PPFIA2: variants seen among roughly 807,000 people sequenced by gnomAD.
PPFIA2 encodes PPFI scaffold protein A2, also known as liprin-alpha-2.
Under a neutral mutation model 175.5 loss-of-function variants are expected in PPFIA2, and 46 were observed. The observed-to-expected ratio is 0.26, with a 90% CI of 0.21 to 0.34. The LOEUF is 0.34. Among genes scored for constraint, PPFIA2 ranks in the 10% least tolerant of loss-of-function variants. The probability of loss-of-function intolerance (pLI) is 1.00; values close to 1 mark genes in which losing one functional copy is unlikely to be tolerated. For synonymous variants in PPFIA2, 568 were observed against 511.4 expected (o/e 1.11, Z -1.49); for missense variants, 1,179 against 1,506.1 (o/e 0.78, Z 3.60).
intron 4 of PPFIA2, among the ~76,000 whole-genome samples, chr12:81,645,734 A>T (rs1396261596): frequency 6.6e-6 from 1 of 152,232 alleles, no homozygotes; most frequent in Non-Finnish European, 1.5e-5. Flanking sequence ...CAGCCATAAA[A>T]GTGGGTAGTA....
rs76554437 is a variant in PPFIA2, at chr12:81,698,947, G to A, written c.250-22103C>T. 4.0e-3 allele frequency among the ~76,000 whole-genome samples: 609 copies of A among 152,136 alleles called. 5 individuals carry two copies. The highest frequency in any genetic ancestry group is 0.013 in the African/African-American group (550 of 41,520). On this transcript the variant is annotated intron_variant, in intron 3 of 32. Transcript: ENST00000549396. ...TAGCAAAACAGACTTTATTATAAGC[G>A]TTGGTAGAGCTAAGATTTTTACTAT...
chr12:81,690,474 TGTCTC>T (rs1204367255), intron 3 of PPFIA2, among the ~76,000 whole-genome samples: 1 of 152,058 alleles, frequency 6.6e-6, no homozygotes, highest in African/African-American at 2.4e-5. Flanking sequence ...AGTCTATTCC[TGTCTC>T]ACTCCTCACC....
chr12:81,495,826 A>G (rs922055740), intron 4 of PPFIA2, among the ~76,000 whole-genome samples: 7 of 152,324 alleles, frequency 4.6e-5, no homozygotes, highest in African/African-American at 1.7e-4. Flanking sequence ...AAAACAAAAC[A>G]AAACAAAAGT....
chr12:81,479,964 G>A (rs993287980), intron 4 of PPFIA2, among the ~76,000 whole-genome samples: 1 of 152,094 alleles, frequency 6.6e-6, no homozygotes, highest in South Asian at 2.1e-4. Flanking sequence ...GTCTTGCTAG[G>A]TTGGGGAAGT....
chr12:81,705,388 G>A lies in PPFIA2; in HGVS notation c.250-28544C>T, dbSNP rs188432971. Among the ~76,000 whole-genome samples, 150 of 149,700 alleles carry A rather than the reference G, an allele frequency of 1.0e-3. 3 individuals carry two copies. In the East Asian group the frequency reaches 0.019, roughly 19 times the overall value. On this transcript the variant is annotated intron_variant, in intron 3 of 32. Transcript: ENST00000549396. ...GGAGAATGGCATGAACCTGGGAGGCGGAGCTTGCAGTGAGCTGAGATTGCA... is the reference window on the plus strand; with the variant it reads ...GGAGAATGGCATGAACCTGGGAGGCAGAGCTTGCAGTGAGCTGAGATTGCA...
chr12:81,278,200 T>TA (rs2041061450), intron 27 of PPFIA2, among the ~76,000 whole-genome samples: 1 of 152,166 alleles, frequency 6.6e-6, no homozygotes. Flanking sequence ...TACATATAAT[T>TA]GATACAGAAT....
intron 4 of PPFIA2, among the ~76,000 whole-genome samples, chr12:81,570,951 T>C (rs1363385751): frequency 1.3e-5 from 2 of 151,898 alleles, no homozygotes; most frequent in African/African-American, 4.8e-5. Context: ...TCACAAGGTA[T>C]TTTCATTTAT....
intron 3 of PPFIA2, among the ~76,000 whole-genome samples, chr12:81,688,365 A>G (rs1296825010): frequency 6.6e-6 from 1 of 151,930 alleles, no homozygotes; most frequent in African/African-American, 2.4e-5. Flanking sequence ...GAATATCAAT[A>G]TTATAATCCT....
intron 4 of PPFIA2, among the ~76,000 whole-genome samples, chr12:81,462,367 C>T (rs1457339997): frequency 2.1e-5 from 3 of 145,352 alleles, no homozygotes; most frequent in Non-Finnish European, 4.5e-5. Context: ...TGATCTAATT[C>T]TCTTATCTCA....
At chr12:81,434,138 G>C (rs981229193) in intron 7 of PPFIA2, among the ~76,000 whole-genome samples, 1 of 152,066 alleles carries the variant, frequency 6.6e-6, no homozygotes, top group Non-Finnish European at 1.5e-5. Flanking sequence ...AGGCAGAGCA[G>C]TAGGGGTGGT....
intron 8 of PPFIA2, among the ~76,000 whole-genome samples, chr12:81,387,133 C>G (rs1475357505): frequency 6.6e-6 from 1 of 151,990 alleles, no homozygotes; most frequent in Non-Finnish European, 1.5e-5. Flanking sequence ...AGTCTTCTAA[C>G]ACTTCTACAA....
At chr12:81,452,398 C>T (rs534061728) in intron 5 of PPFIA2, among the ~76,000 whole-genome samples, 102 of 152,226 alleles carry the variant, frequency 6.7e-4, no homozygotes, top group Non-Finnish European at 1.1e-3. Context: ...CATCTGAAAA[C>T]GAAAACCTTT....
At chr12:81,292,218 A>T (rs2045233767) in intron 24 of PPFIA2, 1 of 152,134 alleles carries the variant, frequency 6.6e-6, no homozygotes, top group Non-Finnish European at 1.5e-5. Context: ...GAAAATGTGG[A>T]TATAAACTAT....
chr12:81,276,132 A>G (rs1194926287), intron 28 of PPFIA2, among the ~76,000 whole-genome samples: 2 of 152,164 alleles, frequency 1.3e-5, no homozygotes, highest in Non-Finnish European at 2.9e-5. Context: ...TTAGCAAAAA[A>G]AAGCCCACGT....
chr12:81,704,215 C>T (rs991595922), intron 3 of PPFIA2, among the ~76,000 whole-genome samples: 1 of 152,060 alleles, frequency 6.6e-6, no homozygotes, highest in Non-Finnish European at 1.5e-5. Flanking sequence ...CAAATTATAA[C>T]ATTAAACAGG....
At chr12:81,294,013 T>C (rs1384745222) in intron 24 of PPFIA2, among the ~76,000 whole-genome samples, 1 of 133,132 alleles carries the variant, frequency 7.5e-6, no homozygotes, top group Non-Finnish European at 1.6e-5. Flanking sequence ...TGGAGACCAT[T>C]ATCCCAAGTG....
intron 21 of PPFIA2, among the ~76,000 whole-genome samples, chr12:81,338,385 C>A (rs926317692): frequency 6.6e-5 from 10 of 151,970 alleles, no homozygotes; most frequent in Non-Finnish European, 1.2e-4. Context: ...ATTCTTCTGA[C>A]AATTATGTAA....
chr12:81,499,690 G>A (rs757744479), intron 4 of PPFIA2, among the ~76,000 whole-genome samples: 2 of 152,022 alleles, frequency 1.3e-5, no homozygotes, highest in East Asian at 1.9e-4. Context: ...AATTCTTCAA[G>A]GTTAGCTGGT....
intron 4 of PPFIA2, among the ~76,000 whole-genome samples, chr12:81,656,107 C>A (rs1336044251): frequency 2.6e-5 from 4 of 151,916 alleles, no homozygotes; most frequent in African/African-American, 9.7e-5. Context: ...CCTTTTCTAT[C>A]ACTTTAGTTT....
Sources: allele counts gnomAD v4.1 joint callset (sites outside exome capture counted in the v4.1 genomes callset), GRCh38; gene constraint gnomAD v4.1.1; transcripts MANE v1.5; gene names NCBI Gene and HGNC (gene_info 2026-07-23, HGNC 2026-07-21).